LAMA2: variants seen among roughly 807,000 people sequenced by gnomAD.
The protein encoded by LAMA2 is laminin subunit alpha-2.
LAMA2 carries 269 observed loss-of-function variants against 364.8 expected under a neutral mutation model. The ratio of observed to expected loss-of-function variants is 0.74; its 90% CI spans 0.67 to 0.82. The LOEUF (loss-of-function observed/expected upper bound fraction) is 0.82, where lower values mean the gene tolerates loss of function less well. Ranked by LOEUF, LAMA2 falls within the 40% of genes least tolerant of loss-of-function variation. The pLI is 0.00. For missense variants in LAMA2, 3,807 were observed against 3,873.2 expected (o/e 0.98, Z 0.45); for synonymous variants, 1,379 against 1,370.6 (o/e 1.01, Z -0.14).
intron 12 of LAMA2, among the ~76,000 whole-genome samples, chr6:129,219,274 G>A (rs953028536): frequency 6.6e-6 from 1 of 152,148 alleles, no homozygotes; most frequent in Non-Finnish European, 1.5e-5. Context: ...AAACCACAAT[G>A]AGATACCATC....
intron 52 of LAMA2, 83 bp downstream of exon 52, chr6:129,473,435 CAATAAG>C: frequency 1.5e-6 from 2 of 1,326,446 alleles, no homozygotes; most frequent in Non-Finnish European, 2.2e-6. Flanking sequence ...AGTTTAATTA[CAATAAG>C]AATGTCATAT....
At chr6:129,183,174 C>T (rs536546007) in intron 10 of LAMA2, among the ~76,000 whole-genome samples, 10 of 151,910 alleles carry the variant, frequency 6.6e-5, no homozygotes, top group Non-Finnish European at 1.5e-4. Context: ...GCAAGTCAAT[C>T]TCAGATATAT....
chr6:129,297,940 T>A (rs941298318), intron 21 of LAMA2, 75 bp downstream of exon 21: 27 of 1,264,012 alleles, frequency 2.1e-5, no homozygotes, highest in African/African-American at 2.9e-5. Flanking sequence ...CAGTTTGTTC[T>A]TTTAAAGGAA....
intron 17 of LAMA2, among the ~76,000 whole-genome samples, chr6:129,272,680 C>T (rs1049091939): frequency 6.6e-6 from 1 of 152,106 alleles, no homozygotes; most frequent in African/African-American, 2.4e-5. Context: ...ATGCAGGGGT[C>T]CTCAACCATC....
chr6:129,171,606 C>T (rs1780159792), intron 9 of LAMA2, among the ~76,000 whole-genome samples: 1 of 151,300 alleles, frequency 6.6e-6, no homozygotes. Flanking sequence ...CTGCCCTTAA[C>T]ATTTTTTCCT....
chr6:128,980,589 A>C (rs1261801160), intron 1 of LAMA2, among the ~76,000 whole-genome samples: 1 of 152,218 alleles, frequency 6.6e-6, no homozygotes, highest in East Asian at 1.9e-4. Flanking sequence ...AGCTGTGCAC[A>C]TATCTGCTAA....
chr6:129,413,458 T>C (rs1400055449), intron 40 of LAMA2, among the ~76,000 whole-genome samples: 2 of 152,066 alleles, frequency 1.3e-5, no homozygotes, highest in Non-Finnish European at 2.9e-5. Flanking sequence ...CTATGTCAAC[T>C]AGATAATTAA....
chr6:129,195,266 G>A (rs1309996095), intron 12 of LAMA2, among the ~76,000 whole-genome samples: 3 of 152,174 alleles, frequency 2.0e-5, no homozygotes, highest in Admixed American at 6.6e-5. Context: ...GCCACATGCT[G>A]TTATTCTTTT....
At chr6:129,174,683 C>T (rs1380848729) in intron 9 of LAMA2, among the ~76,000 whole-genome samples, 1 of 152,058 alleles carries the variant, frequency 6.6e-6, no homozygotes, top group African/African-American at 2.4e-5. Flanking sequence ...TCAGAATTTG[C>T]CAGTCAACTC....
At chr6:129,189,243 TA>T (rs144692090) in intron 10 of LAMA2, among the ~76,000 whole-genome samples, 13,659 of 152,000 alleles carry the variant, frequency 0.09, 699 homozygotes, top group Non-Finnish European at 0.12. Flanking sequence ...GGGAATTTTT[TA>T]AAAAGCCTCA....
intron 9 of LAMA2, among the ~76,000 whole-genome samples, chr6:129,170,884 A>G (rs1314018014): frequency 2.0e-5 from 3 of 149,506 alleles, no homozygotes; most frequent in African/African-American, 7.4e-5. Context: ...TATATTTAGG[A>G]TAGTTAGCTC....
At chr6:129,372,046 T>C (rs531630674) in intron 34 of LAMA2, among the ~76,000 whole-genome samples, 2 of 152,300 alleles carry the variant, frequency 1.3e-5, no homozygotes, top group East Asian at 3.9e-4. Flanking sequence ...AAAGAAAAAT[T>C]GAGTGTAAAG....
chr6:129,064,856 C>A (rs1229016309), intron 3 of LAMA2, among the ~76,000 whole-genome samples: 1 of 152,116 alleles, frequency 6.6e-6, no homozygotes, highest in South Asian at 2.1e-4. Context: ...AATACCAATC[C>A]TTCTCAAAAT....
intron 9 of LAMA2, among the ~76,000 whole-genome samples, chr6:129,169,330 C>T (rs143803815): frequency 0.025 from 3,695 of 149,508 alleles, 179 homozygotes; most frequent in African/African-American, 0.087. Flanking sequence ...TTTTGAATTA[C>T]GTCCCATCAA....
At chr6:129,407,025 A>G (rs1459338993) in intron 40 of LAMA2, among the ~76,000 whole-genome samples, 3 of 152,192 alleles carry the variant, frequency 2.0e-5, no homozygotes, top group Non-Finnish European at 1.5e-5. Context: ...AGTATCCAGC[A>G]TGGGTGAAAG....
intron 1 of LAMA2, among the ~76,000 whole-genome samples, chr6:129,032,998 T>A (rs1471386968): frequency 6.6e-6 from 1 of 152,158 alleles, no homozygotes; most frequent in Admixed American, 6.5e-5. Context: ...AAATTTGTGA[T>A]GTTCCTGAGA....
At chr6:129,074,020 A>G (rs1013121373) in intron 3 of LAMA2, among the ~76,000 whole-genome samples, 2 of 152,200 alleles carry the variant, frequency 1.3e-5, no homozygotes, top group Non-Finnish European at 2.9e-5. Flanking sequence ...TTCAGTCAGC[A>G]ACTCAAATGT....
chr6:129,484,729 T>C (rs1784512953), intron 55 of LAMA2, among the ~76,000 whole-genome samples: 1 of 150,876 alleles, frequency 6.6e-6, no homozygotes, highest in Admixed American at 6.6e-5. Context: ...TACAGACACA[T>C]GTGAATTTCA....
intron 1 of LAMA2, among the ~76,000 whole-genome samples, chr6:128,966,093 A>T (rs540027369): frequency 6.6e-6 from 1 of 151,008 alleles, no homozygotes; most frequent in African/African-American, 2.5e-5. Context: ...GGAACAGAAA[A>T]TTGTTTTGAA....
Sources: gnomAD v4.1 joint callset for allele counts (sites outside exome capture counted in the v4.1 genomes callset) on GRCh38, gnomAD v4.1.1 for gene constraint, MANE v1.5 for transcripts, NCBI Gene and HGNC (gene_info 2026-07-23, HGNC 2026-07-21) for gene names.